Variants in SPATA13 observed in about 807,000 individuals in gnomAD.
The protein encoded by SPATA13 is spermatogenesis associated 13.
In SPATA13, 50 loss-of-function variants were observed where a neutral mutation model predicts 104.0. The observed-to-expected ratio is 0.48, with a 90% CI of 0.38 to 0.61. SPATA13 has a LOEUF of 0.61. Ranked by LOEUF, SPATA13 falls within the 20% of genes least tolerant of loss-of-function variation. The pLI, the probability that SPATA13 is intolerant of heterozygous loss-of-function variation, is 0.00. For missense variants in SPATA13, 1,524 were observed against 1,690.6 expected, an observed-to-expected ratio of 0.90 and a Z score of 1.73; for synonymous variants, 606 against 667.5, an observed-to-expected ratio of 0.91 and a Z score of 1.42.
chr13:24,228,108 C>CTTTTT (rs71186818), intron 2 of SPATA13, among the ~76,000 whole-genome samples: 26 of 102,268 alleles, frequency 2.5e-4, no homozygotes, highest in East Asian at 1.4e-3. Context: ...CTCTTGTACT[C>CTTTTT]TTTTTTTTTT....
Position 24,286,732 on chromosome 13 carries a change from C to T in SPATA13, c.2482-33C>T, listed in dbSNP as rs763969258. The T allele has an allele frequency of 2.7e-5, 43 of 1,603,720 alleles. No homozygotes were observed. Among genetic ancestry groups the T allele is most frequent in the Non-Finnish European group, 3.4e-5 (40 of 1,173,850 alleles). ...CTGCTCCATGCTGCCCTCCCCTGCCCCAAGTCACCTGTCCCCTGTATGTGG... is the reference window on the plus strand; with the variant it reads ...CTGCTCCATGCTGCCCTCCCCTGCCTCAAGTCACCTGTCCCCTGTATGTGG... On this transcript the variant is annotated intron_variant, in intron 6 of 12. Transcript: ENST00000382108. The surrounding 1 kb of genome is among the most constrained non-coding windows in gnomAD (Gnocchi z 4.9).
At chr13:24,187,794 C>G (rs1014257323) in intron 1 of SPATA13, among the ~76,000 whole-genome samples, 4 of 152,172 alleles carry the variant, frequency 2.6e-5, no homozygotes, top group Non-Finnish European at 4.4e-5. Flanking sequence ...GTCTCTCTGC[C>G]TCTTCTCAGG....
chr13:24,302,845 T>C lies in SPATA13; in HGVS notation c.*72T>C. ...TGTCTTTGTTTCTTGTGTGCTTCAA[T>C]CCAGGGAAAGTTTCTTGGACCCAGT... is the stretch of plus-strand genomic sequence containing the variant. On this transcript the variant is annotated 3_prime_UTR_variant, in exon 13 of 13. Coordinates refer to ENST00000382108, the MANE Select transcript of SPATA13 (RefSeq NM_001166271.3). 6.2e-7 allele frequency: 1 copy of C among 1,600,552 alleles called. No individual in the cohort carries two copies. Among genetic ancestry groups the C allele is most frequent in the South Asian group, 1.1e-5 (1 of 90,746 alleles).
At chr13:24,037,399 ATACT>A (rs34295974) in intron 3 of SPATA13, among the ~76,000 whole-genome samples, 125,640 of 151,468 alleles carry the variant, frequency 0.83, 52,343 homozygotes, top group Middle Eastern at 0.88. Flanking sequence ...TTCTCGACTA[ATACT>A]TTATTTATTT....
At chr13:24,219,746 G>A (rs1249968004) in intron 1 of SPATA13, among the ~76,000 whole-genome samples, 2 of 152,200 alleles carry the variant, frequency 1.3e-5, no homozygotes, top group East Asian at 3.8e-4. Flanking sequence ...TGGGGAAGGA[G>A]ACACCTGCAG....
At chr13:24,115,594 A>T (rs1880807542) in intron 3 of SPATA13, among the ~76,000 whole-genome samples, 1 of 152,224 alleles carries the variant, frequency 6.6e-6, no homozygotes, top group African/African-American at 2.4e-5. Flanking sequence ...TCCATGGAAA[A>T]ATTGTCTTCT....
chr13:24,142,110 G>GTTT (rs35400287), intron 3 of SPATA13, among the ~76,000 whole-genome samples: 18 of 148,560 alleles, frequency 1.2e-4, no homozygotes, highest in African/African-American at 4.5e-4. Context: ...GTAGGGAAAG[G>GTTT]TTTTTTTTTT....
At chr13:24,210,388 G>A (rs779105850) in intron 1 of SPATA13, among the ~76,000 whole-genome samples, 40 of 152,080 alleles carry the variant, frequency 2.6e-4, no homozygotes, top group Non-Finnish European at 1.2e-4. Context: ...TTTGTTCTAC[G>A]GTTTTTATGG....
chr13:24,196,654 G>A (rs901425188), intron 1 of SPATA13, among the ~76,000 whole-genome samples: 1 of 152,108 alleles, frequency 6.6e-6, no homozygotes, highest in Non-Finnish European at 1.5e-5. Flanking sequence ...GAGGATCACT[G>A]GAGCCCAAAA....
At chr13:23,985,679 C>T (rs529296938) in intron 2 of SPATA13, among the ~76,000 whole-genome samples, 1 of 152,344 alleles carries the variant, frequency 6.6e-6, no homozygotes, top group South Asian at 2.1e-4. Context: ...AGAAGGCTGT[C>T]TTTCTTCATT....
At chr13:24,193,745 G>A (rs1261023738) in intron 1 of SPATA13, among the ~76,000 whole-genome samples, 1 of 152,186 alleles carries the variant, frequency 6.6e-6, no homozygotes, top group Non-Finnish European at 1.5e-5. Flanking sequence ...TCTTCTTCTG[G>A]AGGAAGAAGT....
At chr13:24,284,388 C>T in intron 5 of SPATA13, 117 bp downstream of exon 5, 1 of 1,165,660 alleles carries the variant, frequency 8.6e-7, no homozygotes, top group South Asian at 1.6e-5. Flanking sequence ...AAACCTGGAA[C>T]TCTGATTAAA....
chr13:24,261,286 G>T (rs568602508), intron 4 of SPATA13, among the ~76,000 whole-genome samples: 1 of 152,190 alleles, frequency 6.6e-6, no homozygotes, highest in Non-Finnish European at 1.5e-5. Context: ...GCAGCCATCC[G>T]TGCTGCCTCT....
intron 3 of SPATA13, among the ~76,000 whole-genome samples, chr13:24,086,288 G>T (rs1442122187): frequency 6.6e-6 from 1 of 152,174 alleles, no homozygotes; most frequent in African/African-American, 2.4e-5. Context: ...CTAAAAAAAG[G>T]GATCTGAAAT....
At chr13:24,285,159 C>T (rs893981999) in intron 5 of SPATA13, among the ~76,000 whole-genome samples, 1 of 152,158 alleles carries the variant, frequency 6.6e-6, no homozygotes, top group Non-Finnish European at 1.5e-5. Context: ...GGCAAAATCA[C>T]CTGCTCCCGT....
At chr13:24,094,251 G>A (rs1351959280) in intron 3 of SPATA13, among the ~76,000 whole-genome samples, 1 of 152,200 alleles carries the variant, frequency 6.6e-6, no homozygotes, top group African/African-American at 2.4e-5. Context: ...GGACTTTGGC[G>A]AGAACATCGT....
intron 3 of SPATA13, among the ~76,000 whole-genome samples, chr13:24,138,764 T>C (rs1881659551): frequency 6.7e-6 from 1 of 149,422 alleles, no homozygotes. Flanking sequence ...TTTTTTTTTT[T>C]TTTTTTTTTT....
intron 2 of SPATA13, chr13:24,224,904 C>T: frequency 2.4e-6 from 1 of 411,658 alleles, no homozygotes; most frequent in South Asian, 2.1e-5. Context: ...AACAAACTGT[C>T]TTCTGCTCCA....
intron 3 of SPATA13, among the ~76,000 whole-genome samples, chr13:24,101,470 T>A (rs1880255567): frequency 7.0e-6 from 1 of 143,608 alleles, no homozygotes; most frequent in South Asian, 2.2e-4. Context: ...TCAATTTAAC[T>A]ATTTTTTAAA....
Sources: allele counts gnomAD v4.1 joint callset (sites outside exome capture counted in the v4.1 genomes callset), GRCh38; gene constraint gnomAD v4.1.1; non-coding constraint Gnocchi (gnomAD v3.1); transcripts MANE v1.5; gene names NCBI Gene and HGNC (gene_info 2026-07-23, HGNC 2026-07-21).